The following MGST2 variants were observed in gnomAD, a reference collection of about 807,000 sequenced individuals.
MGST2 encodes the protein glutathione peroxidase MGST2.
A neutral mutation model predicts 16.6 loss-of-function variants in MGST2; 9 were observed. The ratio of observed to expected loss-of-function variants is 0.54; its 90% CI spans 0.33 to 0.95. The LOEUF is 0.95. Among genes scored for constraint, MGST2 ranks in the 40% least tolerant of loss-of-function variants. The probability of loss-of-function intolerance (pLI) is 0.03; values close to 1 mark genes in which losing one functional copy is unlikely to be tolerated. For missense variants in MGST2, 159 were observed against 175.1 expected (o/e 0.91, Z 0.52); for synonymous variants, 79 against 68.0 (o/e 1.16, Z -0.79).
intron 5 of MGST2, among the ~76,000 whole-genome samples, chr4:139,733,011 C>A (rs1302910044): frequency 6.6e-6 from 1 of 152,136 alleles, no homozygotes; most frequent in South Asian, 2.1e-4. Context: ...CAGGACTAAC[C>A]CTTGCAGGGG....
intron 2 of MGST2, among the ~76,000 whole-genome samples, chr4:139,685,825 G>A (rs369731193): frequency 1.3e-5 from 2 of 151,824 alleles, no homozygotes; most frequent in Non-Finnish European, 1.5e-5. Flanking sequence ...CACCACACCC[G>A]GCTAATTTTT....
At chr4:139,725,767 C>T (rs750100990) in intron 5 of MGST2, 2 of 1,613,974 alleles carry the variant, frequency 1.2e-6, no homozygotes, top group East Asian at 4.5e-5. Context: ...ACTGATTGAC[C>T]TGCTGCACTG....
At chr4:139,669,802 A>G (rs935164306) in intron 1 of MGST2, among the ~76,000 whole-genome samples, 2 of 152,230 alleles carry the variant, frequency 1.3e-5, no homozygotes, top group African/African-American at 4.8e-5. Context: ...CAATAATCCA[A>G]AGGGGTACAG....
At chr4:139,750,134 C>T in the MGST2 span, among the ~76,000 whole-genome samples, 30 of 152,264 alleles carry the variant, frequency 2.0e-4, no homozygotes, top group African/African-American at 7.0e-4. Flanking sequence ...TCCAAACCCC[C>T]AAGATAAGGT....
intron 5 of MGST2, chr4:139,720,347 A>T: frequency 6.6e-7 from 1 of 1,510,878 alleles, no homozygotes; most frequent in Non-Finnish European, 8.8e-7. Context: ...GAGGACACAT[A>T]CCACTCACTC....
chr4:139,699,395 C>T (rs1037244960), intron 3 of MGST2, among the ~76,000 whole-genome samples: 2 of 152,172 alleles, frequency 1.3e-5, no homozygotes, highest in African/African-American at 4.8e-5. Context: ...TATAGTCTTT[C>T]TGCTGAAGCT....
chr4:139,720,266 G>A (rs1489367986), intron 5 of MGST2: 9 of 1,589,308 alleles, frequency 5.7e-6, no homozygotes, highest in South Asian at 1.2e-5. Flanking sequence ...CAGCCGTGAC[G>A]TTCGCATGCT....
chr4:139,715,688 T>A lies in MGST2; in HGVS notation c.*48+11492T>A, dbSNP rs1313082847. Among the ~76,000 whole-genome samples, 2 of 152,208 alleles carry A rather than the reference T, an allele frequency of 1.3e-5. No individual in the cohort carries two copies. ...TTTTAGACCATATAGGGTAACTTCC[T>A]GACCTTGCCATGGCATTTGTAAACT... is the stretch of plus-strand genomic sequence containing the variant. On this transcript the variant is annotated intron_variant, in intron 5 of 5. Coordinates refer to the MGST2 transcript ENST00000616265. This position sits in a 1 kb window ranked among gnomAD's most constrained non-coding sequence, Gnocchi z 4.4.
intron 5 of MGST2, among the ~76,000 whole-genome samples, chr4:139,724,350 G>C (rs1424226295): frequency 6.6e-6 from 1 of 152,152 alleles, no homozygotes; most frequent in African/African-American, 2.4e-5. Flanking sequence ...AAAAGTTTCT[G>C]ATATGCTCTG....
At chr4:139,718,511 C>A (rs1428455302) in intron 5 of MGST2, 4 of 152,302 alleles carry the variant, frequency 2.6e-5, no homozygotes, top group Admixed American at 2.0e-4. Flanking sequence ...GTAGATGTGA[C>A]CCACCTGGAT....
chr4:139,727,475 G>C (rs1340575107), intron 5 of MGST2, among the ~76,000 whole-genome samples: 1 of 152,142 alleles, frequency 6.6e-6, no homozygotes, highest in African/African-American at 2.4e-5. Context: ...GTGTATCCTG[G>C]AGTCAGGAAT....
chr4:139,675,802 G>A (rs1225224129), intron 1 of MGST2, among the ~76,000 whole-genome samples: 1 of 152,162 alleles, frequency 6.6e-6, no homozygotes, highest in African/African-American at 2.4e-5. Flanking sequence ...AGCCACATAT[G>A]TCATGATAAA....
intron 5 of MGST2, chr4:139,720,356 T>A: frequency 6.6e-7 from 1 of 1,504,904 alleles, no homozygotes; most frequent in Non-Finnish European, 8.9e-7. Flanking sequence ...TACCACTCAC[T>A]CTTCTCCATA....
At chr4:139,678,339 C>T (rs536264645) in intron 1 of MGST2, among the ~76,000 whole-genome samples, 10 of 152,148 alleles carry the variant, frequency 6.6e-5, no homozygotes, top group Non-Finnish European at 1.3e-4. Flanking sequence ...GTGGTTGTAC[C>T]GTTTTACATT....
At chr4:139,747,977 C>T in the MGST2 span, among the ~76,000 whole-genome samples, 1 of 150,518 alleles carries the variant, frequency 6.6e-6, no homozygotes, top group African/African-American at 2.5e-5. Flanking sequence ...TTGCTTGAAC[C>T]CGGGAGGTGG....
Position 139,735,320 on chromosome 4 carries a change from C to G in MGST2, c.*49-4892C>G, listed in dbSNP as rs748929408. ...TGTATCTCTGGGGTTATCTGCCCCC[C>G]TCCTCCGACTGACACTGAACTGGTT... On this transcript the variant is annotated intron_variant, in intron 5 of 5. Coordinates refer to the MGST2 transcript ENST00000616265. This position sits in a 1 kb window ranked among gnomAD's most constrained non-coding sequence, Gnocchi z 5.8. 2.0e-5 allele frequency among the ~76,000 whole-genome samples: 3 copies of G among 152,340 alleles called. No homozygotes were observed. The Middle Eastern group carries it at 0.01, about 518-fold the overall frequency.
At chr4:139,671,754 G>A (rs185502431) in intron 1 of MGST2, among the ~76,000 whole-genome samples, 5 of 152,216 alleles carry the variant, frequency 3.3e-5, no homozygotes, top group African/African-American at 7.2e-5. Context: ...TGATTCTCCC[G>A]GCTCAGCCTC....
chr4:139,740,818 C>A (rs115084000), downstream of MGST2: 1 of 152,500 alleles, frequency 6.6e-6, no homozygotes, highest in Admixed American at 6.5e-5. Flanking sequence ...GAGGGCACTT[C>A]CCGCCGTCAT....
intron 5 of MGST2, among the ~76,000 whole-genome samples, chr4:139,726,428 T>C (rs534364452): frequency 2.2e-4 from 34 of 152,332 alleles, no homozygotes; most frequent in Non-Finnish European, 2.5e-4. Flanking sequence ...AACATCTGTA[T>C]GTATTTCTGA....
Sources: gnomAD v4.1 joint callset for allele counts (sites outside exome capture counted in the v4.1 genomes callset) on GRCh38, gnomAD v4.1.1 for gene constraint, Gnocchi (gnomAD v3.1) non-coding constraint, MANE v1.5 for transcripts, NCBI Gene and HGNC (gene_info 2026-07-23, HGNC 2026-07-21) for gene names.